Variants in ENPP1 observed in about 807,000 individuals in gnomAD.
ENPP1 encodes ectonucleotide pyrophosphatase/phosphodiesterase 1.
In ENPP1, 73 loss-of-function variants were observed where a neutral mutation model predicts 122.8. That is an observed-to-expected ratio of 0.59 (90% confidence interval 0.49 to 0.72). The LOEUF (loss-of-function observed/expected upper bound fraction) is 0.72, where lower values mean the gene tolerates loss of function less well. ENPP1 is among the 30% of genes least tolerant of loss of function. The pLI is 0.00. For missense variants in ENPP1, 978 were observed against 1,128.1 expected (o/e 0.87, Z 1.91); for synonymous variants, 367 against 391.6 (o/e 0.94, Z 0.74).
intron 1 of ENPP1, among the ~76,000 whole-genome samples, chr6:131,810,891 TAGG>T (rs1781341430): frequency 6.6e-6 from 1 of 152,188 alleles, no homozygotes; most frequent in Non-Finnish European, 1.5e-5. Context: ...TGGTTGATCT[TAGG>T]AGAGGGCCAC....
intron 1 of ENPP1, chr6:131,828,319 A>G (rs1051598947): frequency 4.7e-5 from 23 of 484,324 alleles, no homozygotes; most frequent in Admixed American, 2.3e-5. Context: ...GATCAGCATG[A>G]TGTAATACCA....
intron 9 of ENPP1, 145 bp from the exon 10 acceptor site, chr6:131,864,360 GT>G: frequency 1.6e-6 from 1 of 639,866 alleles, no homozygotes; most frequent in East Asian, 2.8e-5. Flanking sequence ...GGAAAATAAA[GT>G]TTTCAAATAA....
intron 1 of ENPP1, among the ~76,000 whole-genome samples, chr6:131,831,255 G>A (rs777608873): frequency 3.3e-5 from 5 of 150,742 alleles, no homozygotes; most frequent in Non-Finnish European, 7.4e-5. Flanking sequence ...TAAACATACT[G>A]TTTGAGAATA....
In ENPP1 at chr6:131,861,060, G is replaced by T. The variant is rs183464114; in HGVS notation, c.916-535G>T. Among the ~76,000 whole-genome samples the T allele has an allele frequency of 1.7e-3, 256 of 152,268 alleles. 1 individual carries two copies. The highest frequency in any genetic ancestry group is 2.7e-3 in the Non-Finnish European group (187 of 68,012). On this transcript the variant is annotated intron_variant, in intron 8 of 24. Coordinates refer to ENST00000647893, the MANE Select transcript of ENPP1 (RefSeq NM_006208.3). The stretch of plus-strand genomic sequence containing the variant: ...TCTTAGAAGGACAAAGAGCATAATA[G>T]TTAGTTTGCAGGTTATGAATTCAAA...
Position 131,893,865 on chromosome 6 carries a change from G to A in ENPP1, c.*3354G>A, listed in dbSNP as rs1782506229. The A allele has an allele frequency of 6.7e-6, 1 of 150,218 alleles. No individual in the cohort carries two copies. Among genetic ancestry groups the A allele is most frequent in the Admixed American group, 6.6e-5 (1 of 15,080 alleles). 9.3% of individuals were successfully genotyped at this position (150,218 alleles called of 1,614,324 possible). On this transcript the variant is annotated 3_prime_UTR_variant, in exon 25 of 25. Transcript: ENST00000647893. ...ATGGTAAATTCCCATGAACATATAT[G>A]GAAATGTCTTTATCCTACTTTCTCC...
intron 1 of ENPP1, among the ~76,000 whole-genome samples, chr6:131,813,490 A>G (rs1375793871): frequency 6.6e-6 from 1 of 151,640 alleles, no homozygotes; most frequent in Non-Finnish European, 1.5e-5. Flanking sequence ...AGATTGCACC[A>G]TTACACTCCA....
At chr6:131,847,936 C>T in intron 2 of ENPP1, 88 bp downstream of exon 2, 1 of 1,003,926 alleles carries the variant, frequency 1.0e-6, no homozygotes, top group Non-Finnish European at 1.5e-6. Flanking sequence ...TTGAGGTAAA[C>T]ATTATCTCCT....
chr6:131,870,022 T>G (rs1444254820), intron 13 of ENPP1, among the ~76,000 whole-genome samples: 1 of 152,200 alleles, frequency 6.6e-6, no homozygotes, highest in South Asian at 2.1e-4. Flanking sequence ...TATTGGTTAT[T>G]CATGGACTAA....
At chr6:131,850,994 G>C in intron 3 of ENPP1, 148 bp from the exon 4 acceptor site, 1 of 829,986 alleles carries the variant, frequency 1.2e-6, no homozygotes, top group Non-Finnish European at 2.1e-6. Context: ...GAGTGGCCAT[G>C]GTAGTGGCAG....
At chr6:131,857,265 A>G (rs1781959422) in intron 6 of ENPP1, among the ~76,000 whole-genome samples, 3 of 149,522 alleles carry the variant, frequency 2.0e-5, no homozygotes, top group Non-Finnish European at 4.4e-5. Flanking sequence ...ATCTAGAACT[A>G]GAAATACCAT....
At chr6:131,820,589 G>A (rs1430301129) in intron 1 of ENPP1, 1 of 152,198 alleles carries the variant, frequency 6.6e-6, no homozygotes, top group African/African-American at 2.4e-5. Context: ...GGAGAGGAGA[G>A]TGAAAATTAA....
chr6:131,869,901 A>G (rs1782139919), intron 13 of ENPP1, among the ~76,000 whole-genome samples: 2 of 151,460 alleles, frequency 1.3e-5, no homozygotes, highest in Admixed American at 1.3e-4. Flanking sequence ...AAATCATTAT[A>G]TCGCTAAACT....
At chr6:131,811,287 G>A (rs987864839) in intron 1 of ENPP1, among the ~76,000 whole-genome samples, 1 of 151,818 alleles carries the variant, frequency 6.6e-6, no homozygotes, top group African/African-American at 2.4e-5. Context: ...ATGTGTAAAG[G>A]GCTTGCGTAT....
At chr6:131,860,278 T>C (rs932622106) in intron 7 of ENPP1, 109 bp from the exon 8 acceptor site, 8 of 858,288 alleles carry the variant, frequency 9.3e-6, no homozygotes, top group Middle Eastern at 3.6e-4. Context: ...AAACTTATTA[T>C]AATTCCATGT....
At chr6:131,890,065 G>A (rs998928323) in intron 24 of ENPP1, among the ~76,000 whole-genome samples, 5 of 151,794 alleles carry the variant, frequency 3.3e-5, no homozygotes, top group African/African-American at 7.3e-5. Flanking sequence ...TTAACCCCAC[G>A]CCATTGAAGT....
chr6:131,838,093 GATAAA>G (rs1346491554), intron 1 of ENPP1, among the ~76,000 whole-genome samples: 3 of 151,978 alleles, frequency 2.0e-5, no homozygotes, highest in African/African-American at 7.2e-5. Flanking sequence ...AAGTAGAATA[GATAAA>G]ATAAATATAT....
At chr6:131,872,814 TAG>T in intron 14 of ENPP1, 107 bp from the exon 15 acceptor site, 1 of 1,109,998 alleles carries the variant, frequency 9.0e-7, no homozygotes, top group Non-Finnish European at 1.3e-6. Context: ...ACACTTTTTA[TAG>T]ATATTAGGGA....
At chr6:131,843,468 A>G (rs944520072) in intron 1 of ENPP1, among the ~76,000 whole-genome samples, 1 of 152,186 alleles carries the variant, frequency 6.6e-6, no homozygotes, top group African/African-American at 2.4e-5. Context: ...TTTTAAACCA[A>G]TGGTTACCAT....
chr6:131,857,364 G>A (rs1369023641), intron 6 of ENPP1, among the ~76,000 whole-genome samples: 16 of 148,090 alleles, frequency 1.1e-4, no homozygotes, highest in African/African-American at 3.6e-4. Flanking sequence ...TGTTTATTGC[G>A]GCACTATTCA....
Sources: gnomAD v4.1 joint callset for allele counts (sites outside exome capture counted in the v4.1 genomes callset) on GRCh38, gnomAD v4.1.1 for gene constraint, MANE v1.5 for transcripts, NCBI Gene and HGNC (gene_info 2026-07-23, HGNC 2026-07-21) for gene names.